TRPM6: variants seen among roughly 807,000 people sequenced by gnomAD.
The protein encoded by TRPM6 is channel kinase 2.
TRPM6 carries 111 observed loss-of-function variants against 247.6 expected under a neutral mutation model. The ratio of observed to expected loss-of-function variants is 0.45; its 90% CI spans 0.38 to 0.52. The LOEUF (loss-of-function observed/expected upper bound fraction) is 0.52. TRPM6 is among the 20% of genes least tolerant of loss of function. The pLI, the probability that TRPM6 is intolerant of heterozygous loss-of-function variation, is 0.00. For synonymous variants in TRPM6, 892 were observed against 853.8 expected, an observed-to-expected ratio of 1.04 and a Z score of -0.78; for missense variants, 2,126 against 2,421.5, an observed-to-expected ratio of 0.88 and a Z score of 2.56.
At chr9:74,834,235 G>A (rs980842930) in intron 5 of TRPM6, 113 bp from the exon 6 acceptor site, 10 of 1,281,414 alleles carry the variant, frequency 7.8e-6, no homozygotes, top group Non-Finnish European at 9.0e-6. Flanking sequence ...TATTCTTAGG[G>A]AGAGTTGCTG....
chr9:74,820,506 T>A (rs1829100392), intron 8 of TRPM6, 79 bp from the exon 9 acceptor site: 1 of 1,558,074 alleles, frequency 6.4e-7, no homozygotes, highest in Non-Finnish European at 8.8e-7. Flanking sequence ...AAACACCCCA[T>A]CAGCTCCCCA....
chr9:74,856,301 G>A (rs1830518560), intron 2 of TRPM6, among the ~76,000 whole-genome samples: 1 of 152,036 alleles, frequency 6.6e-6, no homozygotes, highest in African/African-American at 2.4e-5. Flanking sequence ...TTAGCCCTGT[G>A]TGCTGATATG....
intron 23 of TRPM6, among the ~76,000 whole-genome samples, chr9:74,782,133 A>G (rs1827483758): frequency 6.6e-6 from 1 of 152,196 alleles, no homozygotes; most frequent in Non-Finnish European, 1.5e-5. Flanking sequence ...AGGGGGTCCT[A>G]GAACAAGTCC....
chr9:74,868,064 G>C (rs1289622935), intron 1 of TRPM6, among the ~76,000 whole-genome samples: 1 of 149,758 alleles, frequency 6.7e-6, no homozygotes, highest in Non-Finnish European at 1.5e-5. Flanking sequence ...TGAGGCAGGA[G>C]AATCACTTGA....
At chr9:74,816,090 C>T (rs987015006) in intron 11 of TRPM6, among the ~76,000 whole-genome samples, 2 of 152,180 alleles carry the variant, frequency 1.3e-5, no homozygotes, top group Non-Finnish European at 2.9e-5. Flanking sequence ...CAGTGGCTCA[C>T]GCCTGTAATT....
chr9:74,814,488 G>A (rs193095134), intron 11 of TRPM6, among the ~76,000 whole-genome samples: 11 of 152,156 alleles, frequency 7.2e-5, no homozygotes, highest in Admixed American at 7.2e-4. Context: ...TGCTTGAGGG[G>A]ATGGATACCT....
intron 3 of TRPM6, 103 bp downstream of exon 3, chr9:74,855,424 T>C: frequency 1.2e-6 from 1 of 846,928 alleles, no homozygotes; most frequent in Non-Finnish European, 2.1e-6. Flanking sequence ...GTAAATGGCA[T>C]GCACCATTTA....
rs187647310 is a variant in TRPM6 at position 74,850,327 on chromosome 9, G to A, written c.152+5200C>T. 2.6e-5 allele frequency among the ~76,000 whole-genome samples: 4 copies of A among 152,214 alleles called. No homozygotes were observed. The East Asian group carries it at 7.7e-4, about 29-fold the overall frequency. On this transcript the variant is annotated intron_variant, in intron 3 of 38. Transcript: ENST00000360774. ...GTGGAAGTTATAGTGAGGCGAGATTGGGCCATTGCGCTCCAGCCTGGGCGA... is the reference window on the plus strand; with the variant it reads ...GTGGAAGTTATAGTGAGGCGAGATTAGGCCATTGCGCTCCAGCCTGGGCGA...
intron 3 of TRPM6, among the ~76,000 whole-genome samples, chr9:74,854,637 C>T (rs981505976): frequency 1.3e-5 from 2 of 152,018 alleles, no homozygotes; most frequent in Admixed American, 1.3e-4. Context: ...CCATGATTTG[C>T]TAAACTGAGG....
At chr9:74,836,014 G>C (rs888550043) in intron 5 of TRPM6, among the ~76,000 whole-genome samples, 6 of 151,986 alleles carry the variant, frequency 3.9e-5, no homozygotes, top group Admixed American at 3.9e-4. Flanking sequence ...GTTTACATTA[G>C]GGTTCACTCT....
intron 1 of TRPM6, among the ~76,000 whole-genome samples, chr9:74,876,114 G>A (rs941467671): frequency 5.3e-5 from 8 of 152,028 alleles, no homozygotes; most frequent in African/African-American, 1.7e-4. Context: ...ATGGATTTTC[G>A]CTCTTGTCGC....
chr9:74,740,860 T>TA (rs1219698052), intron 33 of TRPM6, among the ~76,000 whole-genome samples: 2 of 152,150 alleles, frequency 1.3e-5, no homozygotes, highest in Non-Finnish European at 2.9e-5. Context: ...CTTTATATCA[T>TA]AAAAAAACTT....
At chr9:74,752,971 G>T (rs931783266) in intron 28 of TRPM6, among the ~76,000 whole-genome samples, 3 of 152,054 alleles carry the variant, frequency 2.0e-5, no homozygotes, top group African/African-American at 4.8e-5. Flanking sequence ...AAATGAACCA[G>T]GTGTGGTGGT....
intron 3 of TRPM6, among the ~76,000 whole-genome samples, chr9:74,843,814 CAAAAAAAAA>C (rs542444347): frequency 1.6e-5 from 1 of 62,396 alleles, no homozygotes; most frequent in Non-Finnish European, 3.4e-5. Context: ...GACTCCATCT[CAAAAAAAAA>C]AAAAAAAAAA....
In TRPM6 at chr9:74,816,718, C is replaced by A; in HGVS notation, c.1259G>T (p.Arg420Met). ...GATATGTTTCTTGGCAATGTCCACC[C>A]TGTCCCAAGCCATTGCCAGATTTAA... ...EQLNLAMAWD[R>M]VDIAKKHILI... The change falls in exon 11 of 39, where the codon AGG becomes ATG. Residue 420 changes from arginine (R) to methionine (M), a missense_variant. Coordinates refer to ENST00000360774, the MANE Select transcript of TRPM6 (RefSeq NM_017662.5). 6.2e-7 allele frequency: 1 copy of A among 1,614,208 alleles called. No individual in the cohort carries two copies. The highest frequency in any genetic ancestry group is 8.5e-7 in the Non-Finnish European group (1 of 1,180,042).
intron 9 of TRPM6, among the ~76,000 whole-genome samples, chr9:74,818,082 T>C (rs561279193): frequency 6.6e-5 from 10 of 152,246 alleles, no homozygotes; most frequent in African/African-American, 2.4e-4. Flanking sequence ...CCAATTCCTA[T>C]CACCTGCAAG....
intron 34 of TRPM6, 102 bp downstream of exon 34, chr9:74,739,621 T>C (rs1825798483): frequency 6.4e-7 from 1 of 1,554,756 alleles, no homozygotes; most frequent in East Asian, 2.2e-5. Context: ...AATAATAGGC[T>C]CCCCTTTGGG....
At chr9:74,801,701 T>C (rs1284980431) in intron 16 of TRPM6, among the ~76,000 whole-genome samples, 197 bp downstream of exon 16, 1 of 152,236 alleles carries the variant, frequency 6.6e-6, no homozygotes, top group Non-Finnish European at 1.5e-5. Flanking sequence ...CCAAGTCCCC[T>C]GACTTGAAGG....
intron 1 of TRPM6, among the ~76,000 whole-genome samples, chr9:74,872,412 C>T (rs565319655): frequency 6.6e-6 from 1 of 152,282 alleles, no homozygotes; most frequent in South Asian, 2.1e-4. Flanking sequence ...GCTGGGGTTG[C>T]AGGCATGAGC....
Sources: gnomAD v4.1 joint callset for allele counts (sites outside exome capture counted in the v4.1 genomes callset) on GRCh38, gnomAD v4.1.1 for gene constraint, MANE v1.5 for transcripts, NCBI Gene and HGNC (gene_info 2026-07-23, HGNC 2026-07-21) for gene names.